CTNNA3: variants seen among roughly 807,000 people sequenced by gnomAD.
CTNNA3 encodes the protein catenin alpha-3.
CTNNA3 carries 76 observed loss-of-function variants against 95.7 expected under a neutral mutation model. That is an observed-to-expected ratio of 0.79 (90% CI 0.66 to 0.96). CTNNA3 has a LOEUF of 0.96. CTNNA3 is among the 40% of genes least tolerant of loss of function. CTNNA3 has a pLI of 0.00. For missense variants in CTNNA3, 1,191 were observed against 1,089.8 expected, an observed-to-expected ratio of 1.09 and a Z score of -1.31; for synonymous variants, 431 against 374.4, an observed-to-expected ratio of 1.15 and a Z score of -1.74.
chr10:66,172,186 G>A (rs1418095899), intron 13 of CTNNA3, among the ~76,000 whole-genome samples: 2 of 152,072 alleles, frequency 1.3e-5, no homozygotes, highest in African/African-American at 4.8e-5. Flanking sequence ...GACCAAATGA[G>A]AGAGCAGCAA....
chr10:66,164,271 A>G (rs2085006960), intron 13 of CTNNA3, among the ~76,000 whole-genome samples: 1 of 152,180 alleles, frequency 6.6e-6, no homozygotes, highest in South Asian at 2.1e-4. Context: ...CCATCAAGAT[A>G]CCTATTAATG....
At chr10:66,991,774 T>C (rs182563607) in intron 7 of CTNNA3, among the ~76,000 whole-genome samples, 2 of 152,320 alleles carry the variant, frequency 1.3e-5, no homozygotes, top group East Asian at 3.9e-4. Context: ...CTTCATAAAG[T>C]ATATCACATG....
At chr10:66,928,412 G>A in intron 7 of CTNNA3, 2 of 1,613,208 alleles carry the variant, frequency 1.2e-6, no homozygotes, top group Non-Finnish European at 1.7e-6. Context: ...AATGGGACGG[G>A]ACCCTGCACC....
At position 67,726,508 on chromosome 10, in the gene CTNNA3, T is replaced by A. The variant is rs1328007408; in HGVS notation, c.-2+36926A>T. On this transcript the variant is annotated intron_variant, in intron 1 of 17. Coordinates refer to the CTNNA3 transcript ENST00000684154. ...ATATCATATACAATATATAATATAT[T>A]ATATATTATATTATATTATATATAT... is the stretch of plus-strand genomic sequence containing the variant. Among the ~76,000 whole-genome samples, 294 of 67,336 alleles carry A rather than the reference T, an allele frequency of 4.4e-3. 4 individuals are homozygous for A. The highest frequency in any genetic ancestry group is 0.017 in the African/African-American group (260 of 15,232). The allele number at this position is 67,336 out of a possible 152,430, so 44.2% of individuals were successfully genotyped here. A position where few individuals can be genotyped will look rare whatever the true frequency, so the allele number is the denominator to read the frequency against.
At chr10:66,343,186 A>G (rs118095563) in intron 12 of CTNNA3, among the ~76,000 whole-genome samples, 7,099 of 152,084 alleles carry the variant, frequency 0.047, 261 homozygotes, top group Non-Finnish European at 0.062. Context: ...AAAAGCTACA[A>G]ATAGGACCCC....
chr10:67,055,192 T>C (rs1343900378), intron 7 of CTNNA3, among the ~76,000 whole-genome samples: 1 of 152,202 alleles, frequency 6.6e-6, no homozygotes, highest in African/African-American at 2.4e-5. Context: ...CATCTCAACT[T>C]TCCACATAAA....
At chr10:66,697,723 A>G (rs1847815931) in intron 9 of CTNNA3, among the ~76,000 whole-genome samples, 1 of 152,200 alleles carries the variant, frequency 6.6e-6, no homozygotes, top group South Asian at 2.1e-4. Flanking sequence ...CATTCCCAGT[A>G]CATGAAAAAA....
intron 10 of CTNNA3, among the ~76,000 whole-genome samples, chr10:66,576,458 G>T (rs189687449): frequency 6.6e-6 from 1 of 152,048 alleles, no homozygotes; most frequent in African/African-American, 2.4e-5. Flanking sequence ...ATAACAGGTA[G>T]CCTTCCAATC....
intron 9 of CTNNA3, among the ~76,000 whole-genome samples, chr10:66,721,581 C>T (rs1022437307): frequency 6.6e-6 from 1 of 152,134 alleles, no homozygotes; most frequent in African/African-American, 2.4e-5. Context: ...CCAGGCAAAC[C>T]AGAGAGGAAC....
Position 66,884,079 on chromosome 10 carries a change from A to G in CTNNA3, c.1048-108555T>C, listed in dbSNP as rs528633724. On this transcript the variant is annotated intron_variant, in intron 7 of 17. Coordinates refer to ENST00000433211, the MANE Select transcript of CTNNA3 (RefSeq NM_013266.4). ...CATGGTGAAAGAGGAAGCATGAGAG[A>G]GGGGGAGGTGCCAGGCTCTTTTTAA... Among the ~76,000 whole-genome samples, 5 of 152,122 alleles carry G rather than the reference A, an allele frequency of 3.3e-5. No homozygotes were observed. In the South Asian group the frequency reaches 1.0e-3, roughly 32 times the overall value.
intron 7 of CTNNA3, among the ~76,000 whole-genome samples, chr10:66,982,456 T>A (rs181680373): frequency 7.6e-4 from 116 of 152,318 alleles, no homozygotes; most frequent in Admixed American, 5.9e-3. Flanking sequence ...CTTGAGAAGA[T>A]AATTTGATGT....
chr10:67,387,914 C>G (rs10997627), intron 5 of CTNNA3, among the ~76,000 whole-genome samples: 10,238 of 152,146 alleles, frequency 0.067, 478 homozygotes, highest in African/African-American at 0.13. Flanking sequence ...ATCTGTACAT[C>G]ACCATCATCA....
At chr10:67,272,012 A>G (rs1839001526) in intron 5 of CTNNA3, among the ~76,000 whole-genome samples, 1 of 152,152 alleles carries the variant, frequency 6.6e-6, no homozygotes, top group Admixed American at 6.6e-5. Flanking sequence ...AACAAGTAAC[A>G]TTGTTTATGG....
At chr10:66,162,322 C>T (rs74501381) in intron 13 of CTNNA3, among the ~76,000 whole-genome samples, 219 of 152,180 alleles carry the variant, frequency 1.4e-3, no homozygotes, top group African/African-American at 4.8e-3. Flanking sequence ...GGGTCTTTTT[C>T]GTCTGGGTAG....
chr10:66,211,706 G>A (rs183111093), intron 13 of CTNNA3, among the ~76,000 whole-genome samples: 1 of 152,148 alleles, frequency 6.6e-6, no homozygotes, highest in Non-Finnish European at 1.5e-5. Flanking sequence ...GCCCAAGAGG[G>A]CAACATGCCC....
At chr10:67,032,756 T>TGTAAAAC (rs199713750) in intron 7 of CTNNA3, among the ~76,000 whole-genome samples, 1,848 of 152,324 alleles carry the variant, frequency 0.012, 48 homozygotes, top group African/African-American at 0.042. Flanking sequence ...GTCTTTGATG[T>TGTAAAAC]CAACAAAAGC....
intron 12 of CTNNA3, among the ~76,000 whole-genome samples, chr10:66,348,920 C>A (rs1301825369): frequency 6.6e-6 from 1 of 152,092 alleles, no homozygotes; most frequent in African/African-American, 2.4e-5. Context: ...TTTAGGCTTG[C>A]ATTTTATTGT....
rs563131296 is a variant in CTNNA3 at position 66,710,684 on chromosome 10, T to A, written c.1281+55580A>T. Among the ~76,000 whole-genome samples, 11 of 152,000 alleles carry A rather than the reference T, an allele frequency of 7.2e-5. No homozygotes were observed. In the East Asian group the frequency reaches 2.1e-3, roughly 29 times the overall value. ...TTATATATAAATCTCTTTAATAATT[T>A]TTTTCCTAAAGTTATCTCTGTGATA... is the stretch of plus-strand genomic sequence containing the variant. On this transcript the variant is annotated intron_variant, in intron 9 of 17. Coordinates refer to ENST00000433211, the MANE Select transcript of CTNNA3 (RefSeq NM_013266.4).
At chr10:67,044,748 T>C (rs1416344403) in intron 7 of CTNNA3, among the ~76,000 whole-genome samples, 1 of 152,166 alleles carries the variant, frequency 6.6e-6, no homozygotes, top group Non-Finnish European at 1.5e-5. Context: ...ATAATAGATA[T>C]TTTGCTCAGC....
Sources: allele counts gnomAD v4.1 joint callset (sites outside exome capture counted in the v4.1 genomes callset), GRCh38; gene constraint gnomAD v4.1.1; transcripts MANE v1.5; gene names NCBI Gene and HGNC (gene_info 2026-07-23, HGNC 2026-07-21).